The following CD226 variants were observed in gnomAD, a reference collection of about 807,000 sequenced individuals.
CD226 encodes CD226 molecule, also known as CD226 antigen.
CD226 carries 24 observed loss-of-function variants against 34.9 expected under a neutral mutation model. The observed-to-expected ratio is 0.69, with a 90% CI of 0.50 to 0.97. The LOEUF is 0.97. CD226 is among the 50% of genes least tolerant of loss of function. The probability of loss-of-function intolerance (pLI) is 0.00; values close to 1 mark genes in which losing one functional copy is unlikely to be tolerated. For missense variants in CD226, 397 were observed against 412.7 expected (o/e 0.96, Z 0.33); for synonymous variants, 148 against 147.4 (o/e 1.00, Z -0.03).
chr18:69,917,502 A>G (rs2055400181), intron 2 of CD226, among the ~76,000 whole-genome samples: 1 of 152,096 alleles, frequency 6.6e-6, no homozygotes. Flanking sequence ...CATGCACTTT[A>G]TGCTCATATT....
chr18:69,880,457 C>A (rs752802723), intron 3 of CD226, among the ~76,000 whole-genome samples: 5 of 151,616 alleles, frequency 3.3e-5, no homozygotes, highest in Admixed American at 3.3e-4. Context: ...AAGAGAGAAC[C>A]CTCGCACACT....
rs1323876194 is a variant in CD226, at chr18:69,854,038, C to A, written c.*10276G>T. On this transcript the variant is annotated 3_prime_UTR_variant, in exon 6 of 6. Transcript: ENST00000582621. ...GGGCAAAGAGACAGGTCAGAAACCACGATAACAAAAAACATATGTGTTAAA... is the reference window on the plus strand; with the variant it reads ...GGGCAAAGAGACAGGTCAGAAACCAAGATAACAAAAAACATATGTGTTAAA... 6.6e-6 allele frequency: 1 copy of A among 152,018 alleles called. No individual in the cohort carries two copies. Among genetic ancestry groups the A allele is most frequent in the Admixed American group, 6.6e-5 (1 of 15,264 alleles). The allele number at this position is 152,018 out of a possible 1,614,324, so 9.4% of individuals were successfully genotyped here. A position where few individuals can be genotyped will look rare whatever the true frequency, so the allele number is the denominator to read the frequency against.
At chr18:69,864,484 C>A in intron 5 of CD226, 45 bp from the exon 6 acceptor site, 1 of 1,594,464 alleles carries the variant, frequency 6.3e-7, no homozygotes, top group South Asian at 1.1e-5. Context: ...CACTGCATTT[C>A]AACAACTAAT....
At chr18:69,959,761 C>A, upstream of CD226, among the ~76,000 whole-genome samples, 1 of 152,156 alleles carries the variant, frequency 6.6e-6, no homozygotes, top group East Asian at 1.9e-4. Context: ...TATGATGAAA[C>A]GTGCTGCTGA....
chr18:69,885,086 C>A (rs1283499449), intron 3 of CD226, among the ~76,000 whole-genome samples: 2 of 152,190 alleles, frequency 1.3e-5, no homozygotes, highest in Non-Finnish European at 2.9e-5. Flanking sequence ...TATAACTCTA[C>A]ATTACAGTGC....
At chr18:69,895,231 TGGCAACC>T (rs1985196571) in intron 3 of CD226, among the ~76,000 whole-genome samples, 1 of 152,194 alleles carries the variant, frequency 6.6e-6, no homozygotes, top group Non-Finnish European at 1.5e-5. Flanking sequence ...TCTGGCAAAC[TGGCAACC>T]GCATTCTCAA....
intron 2 of CD226, 140 bp from the exon 3 acceptor site, chr18:69,896,185 T>TTC: frequency 7.1e-7 from 1 of 1,414,038 alleles, no homozygotes; most frequent in Non-Finnish European, 9.2e-7. Flanking sequence ...ATACTACTTT[T>TTC]TTTTTTTTTT....
At chr18:69,880,211 CAG>C (rs1984135914) in intron 3 of CD226, among the ~76,000 whole-genome samples, 2 of 137,038 alleles carry the variant, frequency 1.5e-5, no homozygotes, top group Admixed American at 1.6e-4. Context: ...GGAAGGCAGG[CAG>C]GCAGGCAGGG....
chr18:69,932,407 G>C (rs2055600048), intron 2 of CD226, among the ~76,000 whole-genome samples: 1 of 152,172 alleles, frequency 6.6e-6, no homozygotes, highest in African/African-American at 2.4e-5. Flanking sequence ...ATGTGGGTTT[G>C]CTGTGAACAT....
intron 2 of CD226, among the ~76,000 whole-genome samples, chr18:69,913,186 C>T (rs1468822370): frequency 1.3e-5 from 2 of 152,168 alleles, no homozygotes; most frequent in African/African-American, 4.8e-5. Context: ...GTCTCCACAC[C>T]CTCACCTTTC....
At chr18:69,899,647 C>G (rs1985489671) in intron 2 of CD226, among the ~76,000 whole-genome samples, 1 of 152,178 alleles carries the variant, frequency 6.6e-6, no homozygotes, top group South Asian at 2.1e-4. Context: ...CAAAAGAAGA[C>G]ATATACGTGG....
chr18:69,959,132 CAG>C (rs1245539503), upstream of CD226, among the ~76,000 whole-genome samples: 7 of 152,168 alleles, frequency 4.6e-5, no homozygotes, highest in African/African-American at 1.7e-4. Context: ...ACTCAGCAAA[CAG>C]GGGAAATGTT....
intron 5 of CD226, among the ~76,000 whole-genome samples, chr18:69,864,802 G>A (rs1983035901): frequency 1.3e-5 from 2 of 152,050 alleles, no homozygotes; most frequent in African/African-American, 4.8e-5. Flanking sequence ...CATATAAAAA[G>A]TTAACAAAAC....
At chr18:69,950,296 G>A (rs897421849), upstream of CD226, among the ~76,000 whole-genome samples, 3 of 152,154 alleles carry the variant, frequency 2.0e-5, no homozygotes, top group African/African-American at 7.2e-5. Flanking sequence ...TGCATCTGGC[G>A]TGATCTCAAA....
chr18:69,928,497 T>C (rs1208067751), intron 2 of CD226, among the ~76,000 whole-genome samples: 1 of 152,074 alleles, frequency 6.6e-6, no homozygotes, highest in African/African-American at 2.4e-5. Context: ...ACAAACAACA[T>C]CCGGGGGAAT....
chr18:69,890,706 A>T (rs1425933516), intron 3 of CD226, among the ~76,000 whole-genome samples: 1 of 152,190 alleles, frequency 6.6e-6, no homozygotes. Flanking sequence ...GTTTTGAGGC[A>T]GTGGAAAGCA....
chr18:69,903,643 A>T (rs1260341896), intron 2 of CD226, among the ~76,000 whole-genome samples: 1 of 151,978 alleles, frequency 6.6e-6, no homozygotes, highest in Non-Finnish European at 1.5e-5. Flanking sequence ...AAAAAGGGGA[A>T]ATTCTGACAC....
At chr18:69,872,115 G>A (rs1983571285) in intron 4 of CD226, among the ~76,000 whole-genome samples, 1 of 150,084 alleles carries the variant, frequency 6.7e-6, no homozygotes, top group Admixed American at 6.6e-5. Context: ...ATTACTGAAG[G>A]AGAGGAGTGC....
At chr18:69,912,810 T>G (rs968145042) in intron 2 of CD226, among the ~76,000 whole-genome samples, 1 of 152,192 alleles carries the variant, frequency 6.6e-6, no homozygotes, top group Non-Finnish European at 1.5e-5. Flanking sequence ...TTATAGAGGA[T>G]GAAATTCAGG....
Sources: allele counts gnomAD v4.1 joint callset (sites outside exome capture counted in the v4.1 genomes callset), GRCh38; gene constraint gnomAD v4.1.1; transcripts MANE v1.5; gene names NCBI Gene and HGNC (gene_info 2026-07-23, HGNC 2026-07-21).